Variants in RBFOX3 observed in about 807,000 individuals in gnomAD.
RBFOX3 encodes RNA binding fox-1 homolog 3.
RBFOX3 carries 17 observed loss-of-function variants against 48.7 expected under a neutral mutation model. The observed-to-expected ratio is 0.35, with a 90% CI of 0.24 to 0.52. RBFOX3 has a LOEUF of 0.52. RBFOX3 is among the 20% of genes least tolerant of loss of function. The probability of loss-of-function intolerance (pLI) is 0.94; values close to 1 mark genes in which losing one functional copy is unlikely to be tolerated. For missense variants in RBFOX3, 382 were observed against 497.5 expected (o/e 0.77, Z 2.21); for synonymous variants, 212 against 209.5 (o/e 1.01, Z -0.10).
chr17:79,150,117 G>A (rs1008943226), intron 4 of RBFOX3, among the ~76,000 whole-genome samples: 1 of 150,866 alleles, frequency 6.6e-6, no homozygotes, highest in African/African-American at 2.4e-5. Flanking sequence ...GGACTCTCAG[G>A]TATCCACAGG....
rs972413480 is a variant in RBFOX3 at position 79,249,511 on chromosome 17, G to A, written c.-73-13706C>T. On this transcript the variant is annotated intron_variant, in intron 3 of 14. Coordinates refer to ENST00000693108, the MANE Select transcript of RBFOX3 (RefSeq NM_001350451.2). This position sits in a 1 kb window ranked among gnomAD's most constrained non-coding sequence, Gnocchi z 4.1. ...GGGTGTGCTTTTTCACCTGCAAACC[G>A]GCCAACCAGATCCCACACCCCAAGC... is the stretch of plus-strand genomic sequence containing the variant. 8.6e-5 allele frequency among the ~76,000 whole-genome samples: 13 copies of A among 151,942 alleles called. No individual in the cohort carries two copies. The highest frequency in any genetic ancestry group is 2.4e-4 in the African/African-American group (10 of 41,408).
rs578028109 is a variant in RBFOX3, at chr17:79,420,160, C to CAT, written c.-175+62293_-175+62294insAT. Among the ~76,000 whole-genome samples, 528 of 151,030 alleles carry CAT rather than the reference C, an allele frequency of 3.5e-3. 9 individuals are homozygous for CAT. The highest frequency in any genetic ancestry group is 0.012 in the African/African-American group (508 of 40,832). Reference sequence around the variant, plus strand: ...ACACACACACACACACACACACACACACACACACACACACAAAAGATGGTT... The same window carrying CAT: ...ACACACACACACACACACACACACACATACACACACACACACAAAAGATGGTT... On this transcript the variant is annotated intron_variant, in intron 2 of 14. Coordinates refer to ENST00000693108, the MANE Select transcript of RBFOX3 (RefSeq NM_001350451.2).
intron 2 of RBFOX3, among the ~76,000 whole-genome samples, chr17:79,322,231 G>A (rs1034525525): frequency 1.4e-5 from 2 of 147,668 alleles, no homozygotes; most frequent in African/African-American, 5.0e-5. Flanking sequence ...TGGGTGGCAG[G>A]GAGAAGAGGG....
intron 4 of RBFOX3, among the ~76,000 whole-genome samples, chr17:79,140,849 T>C (rs1177577397): frequency 6.6e-6 from 1 of 152,066 alleles, no homozygotes; most frequent in Non-Finnish European, 1.5e-5. Context: ...CTATCAGAAG[T>C]AGAGATATTT....
At chr17:79,640,604 T>C in the RBFOX3 span, among the ~76,000 whole-genome samples, 1 of 152,082 alleles carries the variant, frequency 6.6e-6, no homozygotes, top group Non-Finnish European at 1.5e-5. Flanking sequence ...ATAAAACAGA[T>C]ATATAGACCA....
intron 3 of RBFOX3, among the ~76,000 whole-genome samples, chr17:79,300,997 G>A (rs117703927): frequency 5.9e-5 from 9 of 152,304 alleles, no homozygotes; most frequent in Admixed American, 1.3e-4. Context: ...CTTGACTTTG[G>A]GAGAACATGC....
rs2076808705 is a variant in RBFOX3, at chr17:79,311,219, G to C, written c.-174-3395C>G. ...AGGCCGAGGCGGGTAGATCACCTGA[G>C]GTCAGGAGTTCAACACCAGCCTGGC... On this transcript the variant is annotated intron_variant, in intron 2 of 14. Coordinates refer to ENST00000693108, the MANE Select transcript of RBFOX3 (RefSeq NM_001350451.2). The surrounding 1 kb of genome is among the most constrained non-coding windows in gnomAD (Gnocchi z 4.2). Among the ~76,000 whole-genome samples, 2 of 152,068 alleles carry C rather than the reference G, an allele frequency of 1.3e-5. No individual in the cohort carries two copies. The highest frequency in any genetic ancestry group is 1.3e-4 in the Admixed American group (2 of 15,264).
intron 2 of RBFOX3, among the ~76,000 whole-genome samples, chr17:79,431,402 C>T (rs554921533): frequency 6.6e-6 from 1 of 152,182 alleles, no homozygotes; most frequent in Non-Finnish European, 1.5e-5. Context: ...CAACCTCCAT[C>T]TCCCGGGTTC....
chr17:79,283,265 CTTT>C (rs11307023), intron 3 of RBFOX3, among the ~76,000 whole-genome samples: 1,900 of 114,518 alleles, frequency 0.017, 29 homozygotes, highest in African/African-American at 0.053. Flanking sequence ...TGTTCCTTTT[CTTT>C]TTTTTTTTTT....
chr17:79,156,755 G>A (rs566086301), intron 4 of RBFOX3, among the ~76,000 whole-genome samples: 7 of 152,188 alleles, frequency 4.6e-5, no homozygotes, highest in Non-Finnish European at 5.9e-5. Flanking sequence ...GTCTGGCCTC[G>A]TACGGACTGG....
Position 79,090,934 on chromosome 17 carries a change from C to T in RBFOX3, c.1078-49G>A, listed in dbSNP as rs539992622. 23 of 1,527,882 alleles carry T rather than the reference C, an allele frequency of 1.5e-5. No homozygotes were observed. The Admixed American group carries it at 2.1e-4, about 14-fold the overall frequency. 94.6% of individuals were successfully genotyped at this position (1,527,882 alleles called of 1,614,324 possible). A position where few individuals can be genotyped will look rare whatever the true frequency, so the allele number is the denominator to read the frequency against. ...GACTTGCAGCTTCTCGGGGGAGGCA[C>T]AGCAGGTGTGAAGGCGACAGGACCA... On this transcript the variant is annotated intron_variant, in intron 14 of 14. Transcript: ENST00000693108.
At chr17:79,277,351 A>T (rs995616811) in intron 3 of RBFOX3, among the ~76,000 whole-genome samples, 10 of 152,060 alleles carry the variant, frequency 6.6e-5, no homozygotes, top group Non-Finnish European at 1.0e-4. Flanking sequence ...GTAAATACAG[A>T]TATAAGTATT....
rs547428896 is a variant in RBFOX3, at chr17:79,399,829, C to A, written c.-175+82625G>T. Among the ~76,000 whole-genome samples the A allele has an allele frequency of 6.0e-4, 91 of 152,366 alleles. 2 individuals are homozygous for A. Among genetic ancestry groups the A allele is most frequent in the Non-Finnish European group, 1.0e-3 (68 of 68,042 alleles). Reference sequence around the variant, plus strand: ...CCGTCTTCAGCAAGCGTGAACGCGCCGCTGGAAAGAATGCTGGCTTTCTCT... The same window carrying A: ...CCGTCTTCAGCAAGCGTGAACGCGCAGCTGGAAAGAATGCTGGCTTTCTCT... On this transcript the variant is annotated intron_variant, in intron 2 of 14. Transcript: ENST00000693108.
intron 9 of RBFOX3, among the ~76,000 whole-genome samples, 178 bp downstream of exon 9, chr17:79,101,406 G>A (rs1015205090): frequency 4.6e-5 from 7 of 152,110 alleles, no homozygotes; most frequent in East Asian, 1.9e-4. Context: ...CTCTCCTCCC[G>A]CCTCTTCTGC....
intron 2 of RBFOX3, among the ~76,000 whole-genome samples, chr17:79,459,882 C>A (rs2075142064): frequency 6.6e-6 from 1 of 152,128 alleles, no homozygotes; most frequent in South Asian, 2.1e-4. Context: ...TATTGTGTGA[C>A]TGGAATAGTC....
At chr17:79,135,064 G>C (rs1048172154) in intron 4 of RBFOX3, 2 of 152,336 alleles carry the variant, frequency 1.3e-5, no homozygotes, top group Non-Finnish European at 2.9e-5. Flanking sequence ...AGCACACCCA[G>C]GATGAGGATA....
intron 4 of RBFOX3, among the ~76,000 whole-genome samples, chr17:79,126,395 G>A (rs898920168): frequency 6.6e-6 from 1 of 152,188 alleles, no homozygotes; most frequent in Admixed American, 6.5e-5. Context: ...ACCCCTGCCC[G>A]GCCCACAGCC....
At chr17:79,225,302 T>C (rs60868669) in intron 4 of RBFOX3, among the ~76,000 whole-genome samples, 16,655 of 149,772 alleles carry the variant, frequency 0.11, 1,292 homozygotes, top group African/African-American at 0.19. Flanking sequence ...TTTTTTTTTT[T>C]TTTTTTTAGA....
intron 2 of RBFOX3, among the ~76,000 whole-genome samples, chr17:79,462,531 C>A (rs1482882856): frequency 1.3e-5 from 2 of 152,110 alleles, no homozygotes; most frequent in African/African-American, 4.8e-5. Context: ...AAGTGTTGCT[C>A]CCCAGGGGAC....
Sources: allele counts gnomAD v4.1 joint callset (sites outside exome capture counted in the v4.1 genomes callset), GRCh38; gene constraint gnomAD v4.1.1; non-coding constraint Gnocchi (gnomAD v3.1); transcripts MANE v1.5; gene names NCBI Gene and HGNC (gene_info 2026-07-23, HGNC 2026-07-21).